SGK2: variants seen among roughly 807,000 people sequenced by gnomAD.
SGK2 encodes serum/glucocorticoid regulated kinase 2, also known as serine/threonine-protein kinase Sgk2.
A neutral mutation model predicts 47.5 loss-of-function variants in SGK2; 36 were observed. That is an observed-to-expected ratio of 0.76 (90% CI 0.58 to 1.00). The LOEUF is 1.00. Among genes scored for constraint, SGK2 ranks in the 50% least tolerant of loss-of-function variants. SGK2 has a pLI of 0.00. For synonymous variants in SGK2, 157 were observed against 181.9 expected (o/e 0.86, Z 1.10); for missense variants, 404 against 467.4 (o/e 0.86, Z 1.25).
At chr20:43,560,123 G>T (rs548496588) in intron 1 of SGK2, among the ~76,000 whole-genome samples, 9 of 152,286 alleles carry the variant, frequency 5.9e-5, no homozygotes, top group East Asian at 1.9e-4. Flanking sequence ...GGCATGCCAG[G>T]TTCCCACCAG....
intron 12 of SGK2, among the ~76,000 whole-genome samples, chr20:43,582,940 C>T (rs1319061690): frequency 6.6e-6 from 1 of 152,174 alleles, no homozygotes; most frequent in Non-Finnish European, 1.5e-5. Flanking sequence ...AAGTGATCTG[C>T]CTGCCTTGGC....
At chr20:43,583,039 G>A (rs989789112) in intron 12 of SGK2, 2 of 451,776 alleles carry the variant, frequency 4.4e-6, no homozygotes, top group Non-Finnish European at 7.3e-6. Flanking sequence ...GAAGCTGTGT[G>A]GTCTACCTGT....
Position 43,572,049 on chromosome 20 carries a change from A to G in SGK2, c.511-2A>G. 1 of 1,547,502 alleles carries G rather than the reference A, an allele frequency of 6.5e-7. No homozygotes were observed. Among genetic ancestry groups the G allele is most frequent in the Non-Finnish European group, 8.7e-7 (1 of 1,144,940 alleles). On this transcript the variant is annotated splice_acceptor_variant, in intron 8 of 12. Transcript: ENST00000373100. LOFTEE classifies it high-confidence loss of function. This position sits in a 1 kb window ranked among gnomAD's most constrained non-coding sequence, Gnocchi z 4.2. ...CCAGCCCATGCCCTCCGTCATTCTC[A>G]GGGACACGTGGTGCTGACGGATTTT...
At position 43,582,201 on chromosome 20, in the gene SGK2, A is replaced by G. The variant is rs151306872; in HGVS notation, c.939+2140A>G. ...TACCTCAGCCTCCTGAGTAGTTGGG[A>G]GGTGGGTGCCACCACACCTAGCTAA... On this transcript the variant is annotated intron_variant, in intron 12 of 12. Transcript: ENST00000373100. Among the ~76,000 whole-genome samples, 464 of 147,016 alleles carry G rather than the reference A, an allele frequency of 3.2e-3. 3 individuals are homozygous for G. The highest frequency in any genetic ancestry group is 0.011 in the African/African-American group (440 of 39,534).
chr20:43,566,313 T>C, intron 1 of SGK2, 160 bp from the exon 2 acceptor site: 1 of 1,605,734 alleles, frequency 6.2e-7, no homozygotes. Context: ...TCTTGTTCCA[T>C]CCATGCAGGG....
chr20:43,579,506 G>C (rs1301704898), intron 11 of SGK2, among the ~76,000 whole-genome samples: 3 of 152,106 alleles, frequency 2.0e-5, no homozygotes, highest in South Asian at 2.1e-4. Flanking sequence ...TGGGTGTCTG[G>C]GAATCTGAAG....
chr20:43,561,507 A>G (rs1475091910), intron 1 of SGK2, among the ~76,000 whole-genome samples: 3 of 149,610 alleles, frequency 2.0e-5, no homozygotes, highest in Admixed American at 1.4e-4. Context: ...CTCCTGCCTC[A>G]GCCTCCTGAG....
chr20:43,579,049 G>A (rs1980636776), intron 11 of SGK2, among the ~76,000 whole-genome samples: 2 of 143,676 alleles, frequency 1.4e-5, no homozygotes, highest in South Asian at 4.3e-4. Context: ...ACAGAGTCTT[G>A]CTCTGTTGCC....
intron 12 of SGK2, chr20:43,583,474 C>A (rs1980918939): frequency 1.5e-5 from 18 of 1,173,954 alleles, no homozygotes; most frequent in Non-Finnish European, 1.7e-5. Flanking sequence ...GCTGGGACTA[C>A]CTTGTCTTGT....
intron 9 of SGK2, among the ~76,000 whole-genome samples, chr20:43,574,634 C>T (rs1980356568): frequency 6.6e-6 from 1 of 152,224 alleles, no homozygotes; most frequent in Non-Finnish European, 1.5e-5. Flanking sequence ...AGTGCAGCCC[C>T]CTTTACCCTT....
intron 1 of SGK2, among the ~76,000 whole-genome samples, chr20:43,563,043 G>A (rs539687791): frequency 4.0e-5 from 6 of 151,362 alleles, no homozygotes; most frequent in Non-Finnish European, 5.9e-5. Context: ...GGCTGAGGTG[G>A]GAGTATCACT....
chr20:43,585,291 T>G lies in SGK2; in HGVS notation c.*275T>G, dbSNP rs1981026745. The stretch of plus-strand genomic sequence containing the variant: ...GTTACTGGAGCTCTAGCTGCCTATT[T>G]TGTGTTTAGGGAAGGGAAAATGGAG... On this transcript the variant is annotated 3_prime_UTR_variant, in exon 13 of 13. Coordinates refer to ENST00000373100, the MANE Select transcript of SGK2 (RefSeq NM_170693.3). 1 of 228,120 alleles carries G rather than the reference T, an allele frequency of 4.4e-6. No individual in the cohort carries two copies. Among genetic ancestry groups the G allele is most frequent in the Non-Finnish European group, 8.8e-6 (1 of 113,610 alleles). The allele number at this position is 228,120 out of a possible 1,614,324, so 14.1% of individuals were successfully genotyped here.
intron 8 of SGK2, among the ~76,000 whole-genome samples, chr20:43,571,550 A>C (rs1423302742): frequency 6.6e-6 from 1 of 152,128 alleles, no homozygotes; most frequent in Middle Eastern, 3.2e-3. Flanking sequence ...AAAATGAGAC[A>C]AAGAGGATGG....
At chr20:43,566,142 C>A in intron 1 of SGK2, 1 of 550,948 alleles carries the variant, frequency 1.8e-6, no homozygotes, top group Non-Finnish European at 3.2e-6. Flanking sequence ...CAGCCCTGGC[C>A]ATCTTGGACT....
chr20:43,582,436 G>A (rs931977866), intron 12 of SGK2, among the ~76,000 whole-genome samples: 1 of 151,954 alleles, frequency 6.6e-6, no homozygotes, highest in Non-Finnish European at 1.5e-5. Flanking sequence ...TGCCCAGGCT[G>A]GAGTGCAGTG....
chr20:43,572,161 G>C lies in SGK2; in HGVS notation c.597+24G>C. On this transcript the variant is annotated intron_variant, in intron 9 of 12. Coordinates refer to ENST00000373100, the MANE Select transcript of SGK2 (RefSeq NM_170693.3). This position sits in a 1 kb window ranked among gnomAD's most constrained non-coding sequence, Gnocchi z 4.2. ...AGGTAAGCGTAAACATCCCAGGAGA[G>C]GGGAGGTCATGAGTGGGTGAGGCCA... 1 of 1,518,652 alleles carries C rather than the reference G, an allele frequency of 6.6e-7. No homozygotes were observed. Among genetic ancestry groups the C allele is most frequent in the Non-Finnish European group, 8.9e-7 (1 of 1,118,004 alleles). The allele number at this position is 1,518,652 out of a possible 1,614,324, so 94.1% of individuals were successfully genotyped here. A position where few individuals can be genotyped will look rare whatever the true frequency, so the allele number is the denominator to read the frequency against.
Position 43,579,977 on chromosome 20 carries a change from G to A in SGK2, c.855G>A (p.Glu285=). 1.9e-6 allele frequency: 3 copies of A among 1,613,270 alleles called. No individual in the cohort carries two copies. Among genetic ancestry groups the A allele is most frequent in the Non-Finnish European group, 2.5e-6 (3 of 1,179,240 alleles). The part of the protein sequence containing the change: ...QRLGSKADFL[E]IKNHVFFSPI... ...TTTTTCTGCACTTCCTGCAGCTTGAGATTAAGAACCATGTATTCTTCAGCC... is the reference window on the plus strand; with the variant it reads ...TTTTTCTGCACTTCCTGCAGCTTGAAATTAAGAACCATGTATTCTTCAGCC... Residue 285 remains glutamate, a synonymous_variant, in exon 12 of 13, where the codon GAG becomes GAA. Coordinates refer to ENST00000373100, the MANE Select transcript of SGK2 (RefSeq NM_170693.3).
intron 11 of SGK2, 148 bp from the exon 12 acceptor site, chr20:43,579,824 C>G (rs1980680359): frequency 4.6e-6 from 3 of 657,422 alleles, no homozygotes; most frequent in African/African-American, 3.6e-5. Context: ...GCAAAACTCT[C>G]TTGTCCCAGG....
Position 43,559,772 on chromosome 20 carries a change from T to C in SGK2, c.-24+613T>C, listed in dbSNP as rs146363489. 2.9e-3 allele frequency among the ~76,000 whole-genome samples: 446 copies of C among 152,154 alleles called. 2 individuals carry two copies. Among genetic ancestry groups the C allele is most frequent in the African/African-American group, 9.4e-3 (389 of 41,512 alleles). ...AGGTGAGCTGGAAAGACCAGGTTTG[T>C]TGGGGAATGTTCCAAGGAGAGAGAA... is the stretch of plus-strand genomic sequence containing the variant. On this transcript the variant is annotated intron_variant, in intron 1 of 12. Transcript: ENST00000373100.
Sources: allele counts gnomAD v4.1 joint callset (sites outside exome capture counted in the v4.1 genomes callset), GRCh38; gene constraint gnomAD v4.1.1; non-coding constraint Gnocchi (gnomAD v3.1); transcripts MANE v1.5; gene names NCBI Gene and HGNC (gene_info 2026-07-23, HGNC 2026-07-21).